Variants in MTMR9 observed in about 807,000 individuals in gnomAD.
MTMR9 encodes the protein myotubularin-related protein 9.
Under a neutral mutation model 69.5 loss-of-function variants are expected in MTMR9, and 39 were observed. The ratio of observed to expected loss-of-function variants is 0.56; its 90% confidence interval spans 0.43 to 0.73. MTMR9 has a LOEUF of 0.73. MTMR9 is among the 30% of genes least tolerant of loss of function. MTMR9 has a pLI of 0.00. For missense variants in MTMR9, 900 were observed against 671.2 expected, an observed-to-expected ratio of 1.34 and a Z score of -3.77; for synonymous variants, 354 against 240.8, an observed-to-expected ratio of 1.47 and a Z score of -4.35.
In MTMR9 at chr8:11,316,689, A is replaced by G. The variant is rs1800430084; in HGVS notation, c.1130A>G (p.Gln377Arg). ...REWLQAGHPF[Q>R]QRCAQSAYCN... is the part of the protein sequence containing the mutation. ...TCCCCCTAGGCTGGTCACCCATTCC[A>G]GCAGCGCTGTGCACAGTCAGCCTAC... Residue 377 changes from glutamine (Q) to arginine (R), a missense_variant, in exon 8 of 10, where the codon CAG (glutamine) becomes CGG (arginine). By Grantham distance (43) the Gln-to-Arg change is conservative. Transcript: ENST00000221086. 1 of 1,606,824 alleles carries G rather than the reference A, an allele frequency of 6.2e-7. No individual in the cohort carries two copies. Among genetic ancestry groups the G allele is most frequent in the Non-Finnish European group, 8.5e-7 (1 of 1,176,940 alleles).
the MTMR9 span, among the ~76,000 whole-genome samples, chr8:11,336,922 A>C: frequency 6.6e-6 from 1 of 151,962 alleles, no homozygotes; most frequent in Non-Finnish European, 1.5e-5. Flanking sequence ...AAGTCAGATA[A>C]CTCCCAGTTC....
intron 8 of MTMR9, 55 bp from the exon 9 acceptor site, chr8:11,319,632 C>T (rs908678540): frequency 5.7e-6 from 9 of 1,576,938 alleles, no homozygotes; most frequent in East Asian, 4.5e-5. Context: ...GAGGAGCACT[C>T]AATAATGGTT....
At chr8:11,298,147 A>G (rs1409159443) in intron 2 of MTMR9, among the ~76,000 whole-genome samples, 1 of 152,198 alleles carries the variant, frequency 6.6e-6, no homozygotes, top group Non-Finnish European at 1.5e-5. Context: ...TGGAAGTGAA[A>G]TGTTTTCAGT....
intron 2 of MTMR9, among the ~76,000 whole-genome samples, chr8:11,298,308 G>C (rs1210928376): frequency 6.6e-6 from 1 of 152,002 alleles, no homozygotes; most frequent in Admixed American, 6.6e-5. Flanking sequence ...CCTGAGTTAG[G>C]TCAGACATGG....
chr8:11,331,236 C>T (rs750356519), downstream of MTMR9: 2 of 1,613,834 alleles, frequency 1.2e-6, no homozygotes, highest in Middle Eastern at 1.7e-4. Context: ...GCTGGTGGCC[C>T]TGCTGGGTGG....
intron 9 of MTMR9, chr8:11,321,413 A>C (rs1332701981): frequency 4.4e-6 from 2 of 456,068 alleles, no homozygotes; most frequent in African/African-American, 4.0e-5. Flanking sequence ...TTAATAACTG[A>C]AATGAGCGTA....
chr8:11,306,519 G>C (rs1799947180), intron 5 of MTMR9, 112 bp downstream of exon 5: 3 of 881,812 alleles, frequency 3.4e-6, no homozygotes, highest in Admixed American at 5.1e-5. Flanking sequence ...ATTAATTTAG[G>C]GTCAATGATG....
chr8:11,293,302 G>C (rs979005702), intron 1 of MTMR9, among the ~76,000 whole-genome samples: 2 of 152,178 alleles, frequency 1.3e-5, no homozygotes, highest in African/African-American at 2.4e-5. Context: ...AAATATTTTT[G>C]TACAGCTGTA....
the MTMR9 span, among the ~76,000 whole-genome samples, chr8:11,334,856 G>A: frequency 1.3e-5 from 2 of 152,186 alleles, no homozygotes; most frequent in Non-Finnish European, 2.9e-5. Context: ...GGTCATATCA[G>A]TAAATGCAGA....
chr8:11,332,511 G>C (rs960654384), downstream of MTMR9, among the ~76,000 whole-genome samples: 1 of 151,444 alleles, frequency 6.6e-6, no homozygotes, highest in African/African-American at 2.4e-5. Flanking sequence ...TTATAGAAAG[G>C]AACCAGGTAG....
At chr8:11,295,350 GAC>G in intron 2 of MTMR9, 48 bp downstream of exon 2, 1 of 1,051,514 alleles carries the variant, frequency 9.5e-7, no homozygotes, top group Non-Finnish European at 1.5e-6. Flanking sequence ...TTTATATTAT[GAC>G]TCAGTGTAGC....
chr8:11,314,792 G>T (rs1563281984), intron 6 of MTMR9, 131 bp from the exon 7 acceptor site: 2 of 739,292 alleles, frequency 2.7e-6, no homozygotes, highest in African/African-American at 1.7e-5. Flanking sequence ...GCAGAATGTT[G>T]TACTCAATAC....
downstream of MTMR9, chr8:11,331,477 T>G (rs1205717596): frequency 6.2e-7 from 1 of 1,613,936 alleles, no homozygotes; most frequent in East Asian, 2.2e-5. Context: ...GCAGTTCAGG[T>G]GGTGCCCGCT....
At chr8:11,331,685 T>C (rs781041714), downstream of MTMR9, 9 of 1,611,940 alleles carry the variant, frequency 5.6e-6, no homozygotes, top group Admixed American at 5.0e-5. Flanking sequence ...CCCTGGGCTA[T>C]GTGCAGGCTT....
At chr8:11,306,100 T>G in intron 4 of MTMR9, 90 bp from the exon 5 acceptor site, 59 of 1,087,484 alleles carry the variant, frequency 5.4e-5, no homozygotes, top group Non-Finnish European at 7.2e-5. Context: ...CAATTGTTTT[T>G]GAGATACTCT....
rs74800008 is a variant in MTMR9 at position 11,322,779 on chromosome 8, G to C, written c.1641G>C (p.Glu547Asp). The change falls in exon 10 of 10, where the codon GAG becomes GAC. Residue 547 changes from glutamate to aspartate, a missense_variant. Physicochemically the swap from Glu to Asp is conservative, Grantham distance 45. Transcript: ENST00000221086. Reference protein sequence around the residue: ...AELETEDGMQESP With the variant: ...AELETEDGMQDSP ...TGGAAACAGAGGACGGGATGCAGGA[G>C]AGTCCCTGAAAGGTCTCCTCGCACC... 1,143 of 1,613,862 alleles carry C rather than the reference G, an allele frequency of 7.1e-4. 6 individuals carry two copies. In the African/African-American group the frequency reaches 0.014, roughly 19 times the overall value.
intron 6 of MTMR9, among the ~76,000 whole-genome samples, chr8:11,313,770 C>T (rs972567324): frequency 6.6e-6 from 1 of 152,152 alleles, no homozygotes; most frequent in Non-Finnish European, 1.5e-5. Context: ...GCCCCCAAAA[C>T]TTGTAGAAGT....
intron 1 of MTMR9, among the ~76,000 whole-genome samples, chr8:11,288,819 T>C (rs572809597): frequency 1.3e-5 from 2 of 152,196 alleles, no homozygotes; most frequent in South Asian, 4.2e-4. Flanking sequence ...GAAAATAAAC[T>C]GTAGGGGGGC....
chr8:11,319,678 C>T lies in MTMR9; in HGVS notation c.1335-9C>T. 6.2e-7 allele frequency: 1 copy of T among 1,613,096 alleles called. No individual in the cohort carries two copies. The highest frequency in any genetic ancestry group is 8.5e-7 in the Non-Finnish European group (1 of 1,179,918). The stretch of plus-strand genomic sequence containing the variant: ...AATTACTTTAATGGCAGTGTTCTTT[C>T]TTGATCAGATGTAAGTTGAAGCTAC... On this transcript the variant is annotated splice_polypyrimidine_tract_variant and intron_variant, in intron 8 of 9. Coordinates refer to ENST00000221086, the MANE Select transcript of MTMR9 (RefSeq NM_015458.4).
Sources: allele counts gnomAD v4.1 joint callset (sites outside exome capture counted in the v4.1 genomes callset), GRCh38; gene constraint gnomAD v4.1.1; transcripts MANE v1.5; gene names NCBI Gene and HGNC (gene_info 2026-07-23, HGNC 2026-07-21).